CSNK1G3: variants seen among roughly 807,000 people sequenced by gnomAD.
CSNK1G3 encodes casein kinase I isoform gamma-3.
In CSNK1G3, 23 loss-of-function variants were observed where a neutral mutation model predicts 64.3. That is an observed-to-expected ratio of 0.36 (90% CI 0.26 to 0.51). The LOEUF is 0.51. Among genes scored for constraint, CSNK1G3 ranks in the 20% least tolerant of loss-of-function variants. The probability of loss-of-function intolerance (pLI) is 0.96; values close to 1 mark genes in which losing one functional copy is unlikely to be tolerated. For synonymous variants in CSNK1G3, 158 were observed against 162.2 expected (o/e 0.97, Z 0.20); for missense variants, 357 against 510.5 (o/e 0.70, Z 2.90).
chr5:123,541,549 C>T (rs1781682136), intron 1 of CSNK1G3, among the ~76,000 whole-genome samples: 1 of 152,144 alleles, frequency 6.6e-6, no homozygotes, highest in Non-Finnish European at 1.5e-5. Context: ...CCACCTCAGC[C>T]TCCCAAGTAG....
chr5:123,598,946 T>C (rs1374624426), intron 10 of CSNK1G3, among the ~76,000 whole-genome samples: 3 of 152,136 alleles, frequency 2.0e-5, no homozygotes, highest in Admixed American at 2.0e-4. Flanking sequence ...AGGTAGAGTT[T>C]AGTTGGGTAT....
exon 2 of CSNK1G3, chr5:123,545,815 G>T: frequency 6.2e-7 from 1 of 1,613,418 alleles, no homozygotes; most frequent in East Asian, 2.2e-5. Flanking sequence ...AAAATTGGAT[G>T]TGGCAATTTT....
At chr5:123,612,540 C>T (rs902556376) in intron 12 of CSNK1G3, among the ~76,000 whole-genome samples, 6 of 150,774 alleles carry the variant, frequency 4.0e-5, no homozygotes, top group Admixed American at 2.6e-4. Context: ...TGCAATGGCG[C>T]GACCTTGGCT....
At chr5:123,591,006 C>G (rs926298294) in intron 9 of CSNK1G3, among the ~76,000 whole-genome samples, 1 of 151,876 alleles carries the variant, frequency 6.6e-6, no homozygotes, top group African/African-American at 2.4e-5. Flanking sequence ...GAGGCATAAA[C>G]ATATACATTT....
Position 123,513,137 on chromosome 5 carries a change from C to G in CSNK1G3, c.-248+567C>G, listed in dbSNP as rs559768388. Among the ~76,000 whole-genome samples the G allele has an allele frequency of 1.7e-4, 26 of 152,236 alleles. No individual in the cohort carries two copies. The South Asian group carries it at 5.4e-3, about 32-fold the overall frequency. On this transcript the variant is annotated intron_variant, in intron 1 of 12. Coordinates refer to ENST00000345990, the Ensembl canonical transcript of CSNK1G3. The stretch of plus-strand genomic sequence containing the variant: ...ACAGGGATTTACCTGTTTCTTAGAG[C>G]TTTGACTCAGCTCAAAACTTAACCA...
rs1580999374 is a variant in CSNK1G3, at chr5:123,540,174, T to C, written c.-247-5243T>C. On this transcript the variant is annotated intron_variant, in intron 1 of 12. Transcript: ENST00000345990. ...GAAATTATTGACACTTTCTTCTGCT[T>C]TATCCAGTTTGCCACTGAGTGTATC... Among the ~76,000 whole-genome samples, 3 of 152,278 alleles carry C rather than the reference T, an allele frequency of 2.0e-5. No homozygotes were observed. The South Asian group carries it at 6.2e-4, about 32-fold the overall frequency.
intron 1 of CSNK1G3, among the ~76,000 whole-genome samples, chr5:123,515,990 T>C (rs1417870103): frequency 6.6e-6 from 1 of 152,204 alleles, no homozygotes; most frequent in Non-Finnish European, 1.5e-5. Flanking sequence ...AGTGCATATT[T>C]GAGTCAGTTT....
At chr5:123,594,888 G>A (rs1447446676) in intron 10 of CSNK1G3, 151 bp from the exon 11 acceptor site, 4 of 565,866 alleles carry the variant, frequency 7.1e-6, no homozygotes, top group Non-Finnish European at 1.2e-5. Flanking sequence ...TCCACATTCT[G>A]TATACAAAGA....
exon 13 of CSNK1G3, chr5:123,615,331 A>G (rs1196890838): frequency 6.6e-6 from 1 of 152,576 alleles, no homozygotes. Flanking sequence ...CTGAATGATT[A>G]CATTCTCCCT....
intron 10 of CSNK1G3, among the ~76,000 whole-genome samples, 182 bp from the exon 11 acceptor site, chr5:123,594,857 T>A (rs1793125412): frequency 6.6e-6 from 1 of 152,216 alleles, no homozygotes; most frequent in Non-Finnish European, 1.5e-5. Flanking sequence ...TTACACAATT[T>A]GGCAACTTAA....
At chr5:123,579,161 T>C (rs1789757148) in intron 6 of CSNK1G3, among the ~76,000 whole-genome samples, 1 of 151,968 alleles carries the variant, frequency 6.6e-6, no homozygotes, top group African/African-American at 2.4e-5. Context: ...CTATAGAGCA[T>C]GTCCCTGCTC....
At chr5:123,541,579 C>G in intron 1 of CSNK1G3, among the ~76,000 whole-genome samples, 1 of 152,082 alleles carries the variant, frequency 6.6e-6, no homozygotes, top group South Asian at 2.1e-4. Context: ...CAGGTGTGTG[C>G]CACCACTCCC....
intron 6 of CSNK1G3, among the ~76,000 whole-genome samples, chr5:123,582,542 A>C (rs1487023221): frequency 6.6e-6 from 1 of 152,206 alleles, no homozygotes; most frequent in Non-Finnish European, 1.5e-5. Flanking sequence ...TTAATGGACT[A>C]TGTACCTTTT....
intron 6 of CSNK1G3, among the ~76,000 whole-genome samples, chr5:123,577,670 G>A (rs1789443545): frequency 6.6e-6 from 1 of 151,642 alleles, no homozygotes; most frequent in Non-Finnish European, 1.5e-5. Flanking sequence ...ACTTTATATA[G>A]CAAGTCTAAT....
chr5:123,555,999 A>T (rs1368185013), intron 3 of CSNK1G3, among the ~76,000 whole-genome samples: 1 of 152,132 alleles, frequency 6.6e-6, no homozygotes, highest in African/African-American at 2.4e-5. Context: ...CCAATTTTAC[A>T]GATGAGGGAA....
chr5:123,568,396 C>T (rs1000311731), intron 4 of CSNK1G3, among the ~76,000 whole-genome samples: 1 of 152,160 alleles, frequency 6.6e-6, no homozygotes, highest in Admixed American at 6.5e-5. Context: ...GTAAAATCCA[C>T]TCTTTGTCTC....
At chr5:123,530,968 G>A (rs1045697432) in intron 1 of CSNK1G3, among the ~76,000 whole-genome samples, 6 of 152,274 alleles carry the variant, frequency 3.9e-5, no homozygotes, top group African/African-American at 1.2e-4. Flanking sequence ...GTAACGGCTA[G>A]CCTTCACATC....
intron 10 of CSNK1G3, among the ~76,000 whole-genome samples, chr5:123,592,799 G>C (rs1792636308): frequency 6.6e-6 from 1 of 151,566 alleles, no homozygotes; most frequent in East Asian, 1.9e-4. Context: ...TTTTGACTTA[G>C]AAAAATTGGT....
exon 13 of CSNK1G3, chr5:123,614,408 G>C: frequency 3.7e-6 from 6 of 1,609,990 alleles, no homozygotes; most frequent in Non-Finnish European, 5.1e-6. Flanking sequence ...TCTGGACACA[G>C]ACAGATCCTG....
Sources: allele counts gnomAD v4.1 joint callset (sites outside exome capture counted in the v4.1 genomes callset), GRCh38; gene constraint gnomAD v4.1.1; transcripts MANE v1.5; gene names NCBI Gene and HGNC (gene_info 2026-07-23, HGNC 2026-07-21).